Variants in EDEM3 observed in about 807,000 individuals in gnomAD.
EDEM3 encodes ER degradation-enhancing alpha-mannosidase-like protein 3.
In EDEM3, 60 loss-of-function variants were observed where a neutral mutation model predicts 110.2. The observed-to-expected ratio is 0.54, with a 90% CI of 0.44 to 0.67. The LOEUF is 0.67. Ranked by LOEUF, EDEM3 falls within the 30% of genes least tolerant of loss-of-function variation. The probability of loss-of-function intolerance (pLI) is 0.00; values close to 1 mark genes in which losing one functional copy is unlikely to be tolerated. For missense variants in EDEM3, 996 were observed against 1,121.0 expected (o/e 0.89, Z 1.59); for synonymous variants, 352 against 382.9 (o/e 0.92, Z 0.94).
intron 11 of EDEM3, among the ~76,000 whole-genome samples, 174 bp downstream of exon 11, chr1:184,718,981 CATATATA>C (rs887452741): frequency 2.0e-5 from 3 of 151,844 alleles, no homozygotes; most frequent in African/African-American, 7.3e-5. Context: ...AAAGCAAAAA[CATATATA>C]ATACTGTACA....
intron 2 of EDEM3, among the ~76,000 whole-genome samples, chr1:184,743,896 T>G (rs564079443): frequency 1.3e-5 from 2 of 151,850 alleles, no homozygotes; most frequent in African/African-American, 4.8e-5. Flanking sequence ...AAAAAATATA[T>G]AAATCCACCT....
At chr1:184,729,511 G>C (rs1651379377) in intron 6 of EDEM3, among the ~76,000 whole-genome samples, 1 of 152,092 alleles carries the variant, frequency 6.6e-6, no homozygotes, top group African/African-American at 2.4e-5. Context: ...GTACGTACTA[G>C]CTCTAAAGTT....
At chr1:184,746,139 T>C (rs116557638) in intron 2 of EDEM3, among the ~76,000 whole-genome samples, 2,466 of 152,288 alleles carry the variant, frequency 0.016, 29 homozygotes, top group Non-Finnish European at 0.024. Context: ...TTGTCAAACA[T>C]AGTCGTTATT....
chr1:184,722,197 A>C (rs934125576), intron 8 of EDEM3, among the ~76,000 whole-genome samples: 1 of 151,968 alleles, frequency 6.6e-6, no homozygotes, highest in Non-Finnish European at 1.5e-5. Context: ...CTTTTTACCC[A>C]TATTTATATA....
intron 13 of EDEM3, among the ~76,000 whole-genome samples, chr1:184,713,045 T>C (rs1005362451): frequency 6.6e-6 from 1 of 152,138 alleles, no homozygotes; most frequent in Non-Finnish European, 1.5e-5. Context: ...AGGCTTTAAA[T>C]GTAAAGAAAT....
At chr1:184,717,409 G>C in intron 12 of EDEM3, 131 bp downstream of exon 12, 1 of 665,290 alleles carries the variant, frequency 1.5e-6, no homozygotes, top group Non-Finnish European at 2.5e-6. Context: ...AGATGAATAA[G>C]AATCATGATA....
intron 14 of EDEM3, 76 bp downstream of exon 14, chr1:184,712,357 T>A (rs953400812): frequency 2.3e-6 from 3 of 1,308,042 alleles, no homozygotes; most frequent in Non-Finnish European, 3.2e-6. Context: ...ATTCTACTCA[T>A]GGATTACTTT....
At chr1:184,730,541 C>CA (rs1489884468) in intron 6 of EDEM3, among the ~76,000 whole-genome samples, 2 of 152,168 alleles carry the variant, frequency 1.3e-5, no homozygotes, top group African/African-American at 4.8e-5. Context: ...GAGCAATGAT[C>CA]ACACTACTGA....
chr1:184,737,866 AAATGT>A, intron 2 of EDEM3, 155 bp from the exon 3 acceptor site: 1 of 643,412 alleles, frequency 1.6e-6, no homozygotes, highest in Non-Finnish European at 2.5e-6. Context: ...CTTTAATTAC[AAATGT>A]AATACATGCT....
chr1:184,733,045 C>T, intron 5 of EDEM3, 55 bp from the exon 6 acceptor site: 1 of 1,526,052 alleles, frequency 6.6e-7, no homozygotes, highest in Non-Finnish European at 8.8e-7. Context: ...TAAAAGTTAC[C>T]ATCTAAAAAG....
rs1649193794 is a variant in EDEM3, at chr1:184,693,905, C to T, written c.*158G>A. 4 of 724,750 alleles carry T rather than the reference C, an allele frequency of 5.5e-6. No homozygotes were observed. Among genetic ancestry groups the T allele is most frequent in the Middle Eastern group, 3.7e-4 (1 of 2,676 alleles). The allele number at this position is 724,750 out of a possible 1,614,324, so 44.9% of individuals were successfully genotyped here. ...ACAAGGTCAATTCTAACACAGCATG[C>T]TCCAGATTCCTACGATAACTACGCC... On this transcript the variant is annotated 3_prime_UTR_variant, in exon 20 of 20. Transcript: ENST00000318130.
In EDEM3 at chr1:184,732,915, T is replaced by G. The variant is rs1442108188; in HGVS notation, c.534A>C (p.Glu178Asp). Residue 178 changes from glutamate to aspartate, a missense_variant, in exon 6 of 20, where the codon GAA (glutamate) becomes GAC (aspartate). Glu to Asp is a conservative substitution (Grantham distance 45, BLOSUM62 2). Around this residue, in one of 5 missense-constraint regions of EDEM3, gnomAD observed 310 missense variants for 394.6 expected, o/e 0.79. Transcript: ENST00000318130. ...KGEYMQWYND[E>D]LLQMAKQLGY... ...CTAACTGCTTTGCCATTTGGAGAAG[T>G]TCATCATTGTACCACTGCATATATT... is the stretch of plus-strand genomic sequence containing the variant. 6.2e-7 allele frequency: 1 copy of G among 1,613,952 alleles called. No individual in the cohort carries two copies. The highest frequency in any genetic ancestry group is 8.5e-7 in the Non-Finnish European group (1 of 1,179,992).
chr1:184,728,720 C>T (rs1651332444), intron 6 of EDEM3, among the ~76,000 whole-genome samples: 2 of 151,928 alleles, frequency 1.3e-5, no homozygotes. Flanking sequence ...AGCAATTATC[C>T]TGCCTCAGCC....
chr1:184,741,450 T>G (rs1652135154), intron 2 of EDEM3, among the ~76,000 whole-genome samples: 1 of 152,002 alleles, frequency 6.6e-6, no homozygotes, highest in African/African-American at 2.4e-5. Context: ...GACCTTAAAT[T>G]TCAATGTTTC....
chr1:184,716,839 G>A (rs1182811568), intron 13 of EDEM3, 49 bp downstream of exon 13: 1 of 1,589,254 alleles, frequency 6.3e-7, no homozygotes, highest in Non-Finnish European at 8.6e-7. Context: ...TGCATTTTGT[G>A]TTGTTTCAGA....
chr1:184,733,343 G>T (rs908930122), intron 5 of EDEM3, among the ~76,000 whole-genome samples: 1 of 151,974 alleles, frequency 6.6e-6, no homozygotes, highest in Non-Finnish European at 1.5e-5. Context: ...CTTTAACTTA[G>T]AATATTATTT....
rs1400916761 is a variant in EDEM3, at chr1:184,706,500, CA to C, written c.2203+142del. 2.2e-5 allele frequency: 13 copies of C among 603,000 alleles called. No individual in the cohort carries two copies. In the African/African-American group the frequency reaches 2.4e-4, roughly 11 times the overall value. The allele number at this position is 603,000 out of a possible 1,614,324, so 37.4% of individuals were successfully genotyped here. A position where few individuals can be genotyped will look rare whatever the true frequency, so the allele number is the denominator to read the frequency against. On this transcript the variant is annotated intron_variant, in intron 18 of 19. Coordinates refer to ENST00000318130, the MANE Select transcript of EDEM3 (RefSeq NM_025191.4). The stretch of plus-strand genomic sequence containing the variant: ...TGTTAGATATCTAGAAATTAAAAGT[CA>C]TTGGATTACCTATCCTTGTTGTCTA...
At position 184,711,705 on chromosome 1, in the gene EDEM3, T is replaced by A; in HGVS notation, c.1691+18A>T. The A allele has an allele frequency of 6.4e-7, 1 of 1,555,526 alleles. No individual in the cohort carries two copies. Among genetic ancestry groups the A allele is most frequent in the South Asian group, 1.2e-5 (1 of 80,498 alleles). ...GAAACAACTTTGATATTAGAAAATATAAAATAATACATCTTACACTCTGAT... is the reference window on the plus strand; with the variant it reads ...GAAACAACTTTGATATTAGAAAATAAAAAATAATACATCTTACACTCTGAT... On this transcript the variant is annotated intron_variant, in intron 15 of 19. Transcript: ENST00000318130.
At chr1:184,698,077 C>G (rs1364628712) in intron 19 of EDEM3, among the ~76,000 whole-genome samples, 1 of 151,496 alleles carries the variant, frequency 6.6e-6, no homozygotes, top group Non-Finnish European at 1.5e-5. Flanking sequence ...AAACATATGA[C>G]TAGGCAATCC....
Sources: gnomAD v4.1 joint callset for allele counts (sites outside exome capture counted in the v4.1 genomes callset) on GRCh38, gnomAD v4.1.1 for gene constraint, gnomAD v4.1.1 regional missense constraint, MANE v1.5 for transcripts, NCBI Gene and HGNC (gene_info 2026-07-23, HGNC 2026-07-21) for gene names.